GSE1: variants seen among roughly 807,000 people sequenced by gnomAD.
The protein encoded by GSE1 is genetic suppressor element 1.
GSE1 carries 32 observed loss-of-function variants against 112.6 expected under a neutral mutation model. The ratio of observed to expected loss-of-function variants is 0.28; its 90% CI spans 0.21 to 0.38. The LOEUF (loss-of-function observed/expected upper bound fraction) is 0.38. Ranked by LOEUF, GSE1 falls within the 10% of genes least tolerant of loss-of-function variation. The probability of loss-of-function intolerance (pLI) is 1.00; values close to 1 mark genes in which losing one functional copy is unlikely to be tolerated. For synonymous variants in GSE1, 1,115 were observed against 735.6 expected (o/e 1.52, Z -8.35); for missense variants, 2,348 against 1,699.2 (o/e 1.38, Z -6.71).
intron 2 of GSE1, among the ~76,000 whole-genome samples, chr16:85,538,898 C>T (rs1438693863): frequency 1.3e-5 from 2 of 152,204 alleles, no homozygotes; most frequent in East Asian, 1.9e-4. Context: ...CCCAAATCTC[C>T]CCCACCCACC....
At chr16:85,271,427 C>T (rs991015030) in intron 1 of GSE1, among the ~76,000 whole-genome samples, 2 of 152,192 alleles carry the variant, frequency 1.3e-5, no homozygotes, top group Admixed American at 6.5e-5. Flanking sequence ...GAATCTGGTA[C>T]AGGAAGATCA....
At chr16:85,215,081 C>T (rs75946749) in intron 1 of GSE1, among the ~76,000 whole-genome samples, 5 of 152,102 alleles carry the variant, frequency 3.3e-5, no homozygotes, top group Non-Finnish European at 7.4e-5. Context: ...TAACACTGAC[C>T]CCTGACACAG....
At chr16:85,618,002 G>A (rs2048487253) in intron 1 of GSE1, among the ~76,000 whole-genome samples, 2 of 152,170 alleles carry the variant, frequency 1.3e-5, no homozygotes, top group South Asian at 4.1e-4. Context: ...AATCCTGAAG[G>A]TCATTCTTGC....
intron 1 of GSE1, chr16:85,185,070 C>T (rs1055652518): frequency 4.6e-5 from 7 of 152,136 alleles, no homozygotes; most frequent in Non-Finnish European, 7.3e-5. Context: ...TAGTTTTGTC[C>T]AGTCTTTCAT....
chr16:85,594,232 T>TGGGG (rs1567626522), intron 1 of GSE1: 8 of 6,586 alleles, frequency 1.2e-3, no homozygotes, highest in Non-Finnish European at 1.7e-3. Context: ...CCCTGGGGGG[T>TGGGG]TGGGGGGGGG....
rs150490283 is a variant in GSE1 at position 85,545,116 on chromosome 16, A to G, written c.2465-88798A>G. Among the ~76,000 whole-genome samples the G allele has an allele frequency of 3.9e-4, 60 of 152,314 alleles. No homozygotes were observed. The East Asian group carries it at 0.011, about 27-fold the overall frequency. ...GAGATTACCAATGGACTCCCTCCAA[A>G]AGTGGCCCGTCTGCGTCCCAGGAGG... On this transcript the variant is annotated intron_variant, in intron 2 of 2. Transcript: ENST00000637419.
chr16:85,186,415 C>T (rs1375992936), intron 1 of GSE1, among the ~76,000 whole-genome samples: 1 of 151,822 alleles, frequency 6.6e-6, no homozygotes, highest in Non-Finnish European at 1.5e-5. Flanking sequence ...CCATCCTGGC[C>T]AACATGGTGA....
chr16:85,515,661 G>A (rs1210593632), intron 2 of GSE1, among the ~76,000 whole-genome samples: 2 of 152,012 alleles, frequency 1.3e-5, no homozygotes, highest in Admixed American at 6.5e-5. Context: ...GGCGGGGGCT[G>A]GAGTTGGAAA....
intron 2 of GSE1, among the ~76,000 whole-genome samples, chr16:85,416,536 C>G (rs1000604891): frequency 3.3e-5 from 5 of 152,176 alleles, no homozygotes; most frequent in Admixed American, 6.5e-5. Flanking sequence ...GGTGTGCCCA[C>G]TTGCCCTCTA....
At chr16:85,482,650 C>T (rs2050715996) in intron 2 of GSE1, among the ~76,000 whole-genome samples, 1 of 152,188 alleles carries the variant, frequency 6.6e-6, no homozygotes, top group Non-Finnish European at 1.5e-5. Context: ...ATCAGGCACC[C>T]CCGTCTGCAA....
At chr16:85,619,229 G>C (rs2048570274) in intron 1 of GSE1, among the ~76,000 whole-genome samples, 1 of 152,234 alleles carries the variant, frequency 6.6e-6, no homozygotes, top group African/African-American at 2.4e-5. Context: ...GGCGGGAGAT[G>C]CTTTAACAAA....
At chr16:85,595,104 T>G (rs1204924253) in intron 1 of GSE1, 1 of 152,422 alleles carries the variant, frequency 6.6e-6, no homozygotes, top group Non-Finnish European at 1.5e-5. Flanking sequence ...CGTTCCTGTC[T>G]CTGTTGAGTA....
chr16:85,433,584 G>T (rs996821480), intron 2 of GSE1, among the ~76,000 whole-genome samples: 1 of 150,372 alleles, frequency 6.7e-6, no homozygotes, highest in East Asian at 2.0e-4. Flanking sequence ...TGAAGAGAAG[G>T]ATCCTGGATG....
upstream of GSE1, among the ~76,000 whole-genome samples, chr16:85,611,085 C>A (rs2047950361): frequency 1.3e-5 from 2 of 152,202 alleles, no homozygotes. Context: ...GGGTGAGAGA[C>A]CTGGAGGTGG....
chr16:85,558,444 A>C (rs2045343967), intron 1 of GSE1, among the ~76,000 whole-genome samples: 1 of 152,186 alleles, frequency 6.6e-6, no homozygotes, highest in Non-Finnish European at 1.5e-5. Flanking sequence ...GCTGGTGCAT[A>C]TTTATTCATC....
chr16:85,298,256 C>T (rs1191996703), intron 1 of GSE1, among the ~76,000 whole-genome samples: 1 of 152,080 alleles, frequency 6.6e-6, no homozygotes. Flanking sequence ...TGGCCCCATC[C>T]CTCAGCTGCC....
At chr16:85,654,483 G>A (rs367977650) in intron 4 of GSE1, 33 bp downstream of exon 4, 3 of 1,537,668 alleles carry the variant, frequency 2.0e-6, no homozygotes, top group African/African-American at 2.7e-5. Flanking sequence ...CGGTGAGGTG[G>A]CCAGGTGGGG....
intron 2 of GSE1, among the ~76,000 whole-genome samples, chr16:85,400,575 G>A (rs1229075108): frequency 6.6e-6 from 1 of 151,288 alleles, no homozygotes; most frequent in African/African-American, 2.4e-5. Flanking sequence ...GTGTACCTGT[G>A]TGATGCATGC....
At chr16:85,450,604 A>G (rs1436676475) in intron 2 of GSE1, among the ~76,000 whole-genome samples, 1 of 151,500 alleles carries the variant, frequency 6.6e-6, no homozygotes, top group Non-Finnish European at 1.5e-5. Flanking sequence ...GCCCGCTACC[A>G]TGCCCAGCTA....
Sources: allele counts gnomAD v4.1 joint callset (sites outside exome capture counted in the v4.1 genomes callset), GRCh38; gene constraint gnomAD v4.1.1; transcripts MANE v1.5; gene names NCBI Gene and HGNC (gene_info 2026-07-23, HGNC 2026-07-21).